COBLL1: variants seen among roughly 807,000 people sequenced by gnomAD.
The protein encoded by COBLL1 is cordon-bleu WH2 repeat protein like 1, also known as cordon-bleu protein-like 1.
In COBLL1, 50 loss-of-function variants were observed where a neutral mutation model predicts 94.8. The observed-to-expected ratio is 0.53, with a 90% CI of 0.42 to 0.67. The LOEUF is 0.67. Among genes scored for constraint, COBLL1 ranks in the 30% least tolerant of loss-of-function variants. The pLI, the probability that COBLL1 is intolerant of heterozygous loss-of-function variation, is 0.00. For missense variants in COBLL1, 1,362 were observed against 1,348.7 expected, an observed-to-expected ratio of 1.01 and a Z score of -0.15; for synonymous variants, 448 against 473.8, an observed-to-expected ratio of 0.95 and a Z score of 0.71.
At chr2:164,729,793 A>G (rs867269083) in intron 4 of COBLL1, 121 bp downstream of exon 4, 5 of 842,086 alleles carry the variant, frequency 5.9e-6, no homozygotes, top group South Asian at 3.5e-5. Flanking sequence ...CAAAGTGCCT[A>G]GAAAAACATA....
chr2:164,774,425 AT>A (rs1429869551), intron 2 of COBLL1, among the ~76,000 whole-genome samples: 1 of 152,170 alleles, frequency 6.6e-6, no homozygotes, highest in Non-Finnish European at 1.5e-5. Context: ...AAACAGCTAG[AT>A]TTTATAGTCA....
intron 2 of COBLL1, among the ~76,000 whole-genome samples, chr2:164,819,377 A>C (rs1294587767): frequency 6.6e-6 from 1 of 152,166 alleles, no homozygotes; most frequent in Non-Finnish European, 1.5e-5. Flanking sequence ...GTGAATTTAT[A>C]AGGGAAAAAT....
chr2:164,759,993 C>G (rs355830), intron 2 of COBLL1, among the ~76,000 whole-genome samples: 36,223 of 152,028 alleles, frequency 0.24, 5,079 homozygotes, highest in African/African-American at 0.39. Context: ...CAATTTGGCA[C>G]TGCCATATAG....
At chr2:164,825,439 GA>G (rs373412037) in intron 2 of COBLL1, among the ~76,000 whole-genome samples, 3 of 151,516 alleles carry the variant, frequency 2.0e-5, no homozygotes, top group Non-Finnish European at 4.4e-5. Flanking sequence ...GTTTACTTAG[GA>G]AAAAAAATAG....
intron 2 of COBLL1, chr2:164,779,570 A>G (rs555421285): frequency 4.5e-6 from 2 of 439,562 alleles, no homozygotes; most frequent in South Asian, 1.7e-5. Flanking sequence ...TGCCCCACCC[A>G]TGCCATTTCC....
intron 2 of COBLL1, among the ~76,000 whole-genome samples, chr2:164,775,712 T>A (rs1291462440): frequency 6.6e-6 from 1 of 152,054 alleles, no homozygotes; most frequent in Non-Finnish European, 1.5e-5. Flanking sequence ...CCTTGGCCTA[T>A]CAAAGTGCTG....
intron 2 of COBLL1, among the ~76,000 whole-genome samples, chr2:164,825,088 T>C (rs1685360446): frequency 6.6e-6 from 1 of 152,184 alleles, no homozygotes; most frequent in South Asian, 2.1e-4. Context: ...TGGATGTGGG[T>C]TGGATGTGAC....
At chr2:164,783,211 GGTCA>G (rs1234298724) in intron 2 of COBLL1, among the ~76,000 whole-genome samples, 2 of 151,868 alleles carry the variant, frequency 1.3e-5, no homozygotes, top group Non-Finnish European at 2.9e-5. Flanking sequence ...AGATCAGCCT[GGTCA>G]ACATAATGAG....
At chr2:164,767,483 T>C (rs1464549967) in intron 2 of COBLL1, among the ~76,000 whole-genome samples, 1 of 152,140 alleles carries the variant, frequency 6.6e-6, no homozygotes, top group Non-Finnish European at 1.5e-5. Context: ...GATGCACAGA[T>C]GTAAATTCAT....
intron 2 of COBLL1, among the ~76,000 whole-genome samples, chr2:164,659,221 A>T (rs767196549): frequency 1.1e-4 from 17 of 152,118 alleles, no homozygotes; most frequent in Non-Finnish European, 2.4e-4. Context: ...TAGTTCCTGG[A>T]GTGAGGGGAT....
intron 2 of COBLL1, among the ~76,000 whole-genome samples, chr2:164,818,790 T>A (rs1187946393): frequency 1.5e-5 from 2 of 136,164 alleles, no homozygotes; most frequent in Non-Finnish European, 1.5e-5. Context: ...ATACATATAA[T>A]TTTTTTTCGA....
downstream of COBLL1, among the ~76,000 whole-genome samples, chr2:164,677,256 CT>C (rs111586840): frequency 6.6e-6 from 1 of 151,664 alleles, no homozygotes; most frequent in Non-Finnish European, 1.5e-5. Context: ...TTCTTTCTTT[CT>C]TTTTTTTGCT....
intron 2 of COBLL1, among the ~76,000 whole-genome samples, chr2:164,749,693 T>C (rs917771838): frequency 2.0e-5 from 3 of 152,204 alleles, no homozygotes; most frequent in African/African-American, 7.2e-5. Context: ...TTTTTCTTGA[T>C]GAGCCTAATT....
chr2:164,675,166 G>A (rs1294889900), intron 1 of COBLL1, among the ~76,000 whole-genome samples: 3 of 152,122 alleles, frequency 2.0e-5, no homozygotes, highest in African/African-American at 4.8e-5. Context: ...GTTTGTTGAC[G>A]ATGAGCTCAG....
intron 7 of COBLL1, among the ~76,000 whole-genome samples, chr2:164,714,490 T>A (rs1047954273): frequency 6.6e-6 from 1 of 151,038 alleles, no homozygotes; most frequent in Non-Finnish European, 1.5e-5. Flanking sequence ...AGGATAGAGG[T>A]GTTTTTAGCC....
chr2:164,687,987 C>T (rs1377836775), intron 13 of COBLL1, among the ~76,000 whole-genome samples: 1 of 152,052 alleles, frequency 6.6e-6, no homozygotes, highest in Non-Finnish European at 1.5e-5. Context: ...ACTTAAATGT[C>T]CACAAATAAT....
intron 3 of COBLL1, among the ~76,000 whole-genome samples, chr2:164,737,752 T>G (rs1408393095): frequency 6.6e-6 from 1 of 152,152 alleles, no homozygotes; most frequent in Non-Finnish European, 1.5e-5. Context: ...CACCGATCCC[T>G]TTATCTTGTC....
intron 7 of COBLL1, among the ~76,000 whole-genome samples, chr2:164,708,355 T>A (rs1684711401): frequency 1.3e-5 from 2 of 152,096 alleles, no homozygotes; most frequent in Non-Finnish European, 1.5e-5. Context: ...CTGACTGGGG[T>A]AGGCATGGGG....
At chr2:164,705,961 G>C (rs1347831495) in intron 7 of COBLL1, among the ~76,000 whole-genome samples, 1 of 152,218 alleles carries the variant, frequency 6.6e-6, no homozygotes, top group Non-Finnish European at 1.5e-5. Context: ...TTGAATCCCA[G>C]AGGCGGAGGT....
Sources: gnomAD v4.1 joint callset for allele counts (sites outside exome capture counted in the v4.1 genomes callset) on GRCh38, gnomAD v4.1.1 for gene constraint, MANE v1.5 for transcripts, NCBI Gene and HGNC (gene_info 2026-07-23, HGNC 2026-07-21) for gene names.